The following MOK variants were observed in gnomAD, a reference collection of about 807,000 sequenced individuals.
The protein encoded by MOK is MOK protein kinase, also known as MAPK/MAK/MRK overlapping kinase.
Under a neutral mutation model 54.2 loss-of-function variants are expected in MOK, and 59 were observed. The observed-to-expected ratio is 1.09, with a 90% CI of 0.88 to 1.35. MOK has a LOEUF of 1.35. Among genes scored for constraint, MOK ranks in the 40% most tolerant of loss-of-function variants. The probability of loss-of-function intolerance (pLI) is 0.00; values close to 1 mark genes in which losing one functional copy is unlikely to be tolerated. For missense variants in MOK, 517 were observed against 526.2 expected (o/e 0.98, Z 0.17); for synonymous variants, 210 against 202.7 (o/e 1.04, Z -0.31).
In MOK at chr14:102,283,358, A is replaced by C. The variant is rs2069672247; in HGVS notation, c.122+120T>G. On this transcript the variant is annotated intron_variant, in intron 2 of 11. Transcript: ENST00000361847. Reference sequence around the variant, plus strand: ...TTAGCATATAACCCTCACTGCCCAAAGAAATCTGATTGTATCTTACATATT... The same window carrying C: ...TTAGCATATAACCCTCACTGCCCAACGAAATCTGATTGTATCTTACATATT... The C allele has an allele frequency of 6.3e-6, 4 of 637,020 alleles. No individual in the cohort carries two copies. In the Admixed American group the frequency reaches 1.2e-4, roughly 19 times the overall value. The allele number at this position is 637,020 out of a possible 1,614,324, so 39.5% of individuals were successfully genotyped here. A position where few individuals can be genotyped will look rare whatever the true frequency, so the allele number is the denominator to read the frequency against.
At chr14:102,254,337 A>T (rs560053318) in intron 4 of MOK, among the ~76,000 whole-genome samples, 101 of 152,330 alleles carry the variant, frequency 6.6e-4, no homozygotes, top group Non-Finnish European at 1.2e-3. Context: ...GTTTCACATG[A>T]TTTATCATCA....
chr14:102,236,745 A>C lies in MOK; in HGVS notation c.591-2956T>G, dbSNP rs1483453522. Among the ~76,000 whole-genome samples, 1 of 152,014 alleles carries C rather than the reference A, an allele frequency of 6.6e-6. No individual in the cohort carries two copies. Among genetic ancestry groups the C allele is most frequent in the East Asian group, 1.9e-4 (1 of 5,168 alleles). On this transcript the variant is annotated intron_variant, in intron 7 of 11. Transcript: ENST00000361847. The surrounding 1 kb of genome is among the most constrained non-coding windows in gnomAD (Gnocchi z 4.5). Reference sequence around the variant, plus strand: ...AAAATCCAGTTAAAAGACCTCTCTAAATTTCCCAGCATCCCCAAAAACCCT... The same window carrying C: ...AAAATCCAGTTAAAAGACCTCTCTACATTTCCCAGCATCCCCAAAAACCCT...
At chr14:102,243,251 A>T (rs1036480265) in intron 7 of MOK, among the ~76,000 whole-genome samples, 3 of 152,126 alleles carry the variant, frequency 2.0e-5, no homozygotes, top group Admixed American at 1.3e-4. Context: ...GACCACATAG[A>T]TCCTAAATCC....
rs565409089 is a variant in MOK, at chr14:102,272,158, G to A, written c.123-6246C>T. Reference sequence around the variant, plus strand: ...TGTGCTGGGATTAAAGGTATGAGACGCCACGCCTAACTCCCTAACAAAGAC... The same window carrying A: ...TGTGCTGGGATTAAAGGTATGAGACACCACGCCTAACTCCCTAACAAAGAC... On this transcript the variant is annotated intron_variant, in intron 2 of 11. Coordinates refer to ENST00000361847, the MANE Select transcript of MOK (RefSeq NM_014226.3). Among the ~76,000 whole-genome samples the A allele has an allele frequency of 5.3e-5, 8 of 152,218 alleles. No homozygotes were observed. The East Asian group carries it at 1.4e-3, about 26-fold the overall frequency.
chr14:102,258,441 C>T (rs1409526047), intron 4 of MOK, among the ~76,000 whole-genome samples: 1 of 151,888 alleles, frequency 6.6e-6, no homozygotes, highest in Non-Finnish European at 1.5e-5. Context: ...TTATCCCTAT[C>T]TGGAATTCTT....
At chr14:102,254,032 T>A (rs2066737023) in intron 4 of MOK, among the ~76,000 whole-genome samples, 1 of 152,256 alleles carries the variant, frequency 6.6e-6, no homozygotes, top group Non-Finnish European at 1.5e-5. Context: ...TCGCCCAGGC[T>A]GGAATGCATT....
downstream of MOK, chr14:102,223,606 T>A (rs556604987): frequency 2.0e-5 from 3 of 152,778 alleles, no homozygotes; most frequent in Admixed American, 1.3e-4. Context: ...ACTTCACTAG[T>A]AATTTTCATC....
chr14:102,299,879 G>A (rs1597655765), intron 1 of MOK, among the ~76,000 whole-genome samples: 1 of 152,236 alleles, frequency 6.6e-6, no homozygotes, highest in East Asian at 1.9e-4. Flanking sequence ...CACCATGCCT[G>A]GCCACTTTTC....
chr14:102,254,962 G>A (rs906179001), intron 4 of MOK, among the ~76,000 whole-genome samples: 2 of 152,156 alleles, frequency 1.3e-5, no homozygotes, highest in Non-Finnish European at 2.9e-5. Context: ...AGAGTCATCT[G>A]AACTTGAACT....
chr14:102,256,506 G>A (rs565130147), intron 4 of MOK, among the ~76,000 whole-genome samples: 12 of 151,906 alleles, frequency 7.9e-5, no homozygotes, highest in South Asian at 2.1e-4. Context: ...CCCGGGAGGC[G>A]GAGCTTGCAG....
Position 102,265,008 on chromosome 14 carries a change from C to T in MOK, c.212+815G>A, listed in dbSNP as rs74750148. Among the ~76,000 whole-genome samples, 795 of 152,300 alleles carry T rather than the reference C, an allele frequency of 5.2e-3. 7 individuals are homozygous for T. Among genetic ancestry groups the T allele is most frequent in the African/African-American group, 0.018 (765 of 41,566 alleles). On this transcript the variant is annotated intron_variant, in intron 3 of 11. Transcript: ENST00000361847. Reference sequence around the variant, plus strand: ...AGAAGGCTTCCCAGGCTCAGGCAGGCACCGAGGGACAAGCTGTGCTCTGCC... The same window carrying T: ...AGAAGGCTTCCCAGGCTCAGGCAGGTACCGAGGGACAAGCTGTGCTCTGCC...
At chr14:102,300,515 C>T (rs1597660680) in intron 1 of MOK, among the ~76,000 whole-genome samples, 1 of 152,206 alleles carries the variant, frequency 6.6e-6, no homozygotes, top group East Asian at 1.9e-4. Flanking sequence ...CACCACAGCA[C>T]TCCAGCCTGG....
intron 1 of MOK, among the ~76,000 whole-genome samples, chr14:102,286,213 G>A (rs557010966): frequency 6.7e-6 from 1 of 149,092 alleles, no homozygotes; most frequent in South Asian, 2.1e-4. Context: ...GCAGGAGAAT[G>A]GCGTGAACCC....
chr14:102,236,491 C>G lies in MOK; in HGVS notation c.591-2702G>C, dbSNP rs1412297470. Reference sequence around the variant, plus strand: ...ACTCTTTCCTTATCATGCCTCGTTGCCCTACCCCCATCCTAGGCCAAATTC... The same window carrying G: ...ACTCTTTCCTTATCATGCCTCGTTGGCCTACCCCCATCCTAGGCCAAATTC... On this transcript the variant is annotated intron_variant, in intron 7 of 11. Transcript: ENST00000361847. The surrounding 1 kb of genome is among the most constrained non-coding windows in gnomAD (Gnocchi z 4.5). Among the ~76,000 whole-genome samples the G allele has an allele frequency of 6.6e-6, 1 of 152,150 alleles. No homozygotes were observed. Among genetic ancestry groups the G allele is most frequent in the African/African-American group, 2.4e-5 (1 of 41,412 alleles).
chr14:102,261,172 G>A (rs1186886770), intron 4 of MOK, among the ~76,000 whole-genome samples: 2 of 148,932 alleles, frequency 1.3e-5, no homozygotes, highest in East Asian at 4.0e-4. Flanking sequence ...CAGGAGAATC[G>A]CTTGCACCTG....
chr14:102,282,698 C>T (rs1177552575), intron 2 of MOK, among the ~76,000 whole-genome samples: 1 of 151,944 alleles, frequency 6.6e-6, no homozygotes, highest in Non-Finnish European at 1.5e-5. Context: ...CGAGCCATTG[C>T]ACTCCAGCCT....
chr14:102,231,358 T>C lies in MOK; in HGVS notation c.981+349A>G. 1 of 185,462 alleles carries C rather than the reference T, an allele frequency of 5.4e-6. No homozygotes were observed. The highest frequency in any genetic ancestry group is 1.1e-5 in the Non-Finnish European group (1 of 90,190). The allele number at this position is 185,462 out of a possible 1,614,324, so 11.5% of individuals were successfully genotyped here. The stretch of plus-strand genomic sequence containing the variant: ...TTGGCGCCTCCCTCCAGGGCCGTTC[T>C]GAGGGGCGATGTCTGCACGGTGCTT... On this transcript the variant is annotated intron_variant, in intron 10 of 11. Coordinates refer to ENST00000361847, the MANE Select transcript of MOK (RefSeq NM_014226.3). This position sits in a 1 kb window ranked among gnomAD's most constrained non-coding sequence, Gnocchi z 4.4.
At chr14:102,283,116 C>T (rs1261926652) in intron 2 of MOK, 2 of 156,692 alleles carry the variant, frequency 1.3e-5, no homozygotes, top group Non-Finnish European at 2.8e-5. Context: ...GGGTTCACTT[C>T]CGAGCTCTCT....
chr14:102,217,518 G>A, the MOK span, among the ~76,000 whole-genome samples: 3 of 152,210 alleles, frequency 2.0e-5, no homozygotes, highest in East Asian at 3.8e-4. Context: ...AGCTGGCAGA[G>A]GTACGTGGTC....
Sources: gnomAD v4.1 joint callset for allele counts (sites outside exome capture counted in the v4.1 genomes callset) on GRCh38, gnomAD v4.1.1 for gene constraint, Gnocchi (gnomAD v3.1) non-coding constraint, MANE v1.5 for transcripts, NCBI Gene and HGNC (gene_info 2026-07-23, HGNC 2026-07-21) for gene names.